Variants in EIF4G3 observed in about 807,000 individuals in gnomAD.
EIF4G3 encodes the protein eIF-4-gamma 3.
EIF4G3 carries 34 observed loss-of-function variants against 186.4 expected under a neutral mutation model. The ratio of observed to expected loss-of-function variants is 0.18; its 90% CI spans 0.14 to 0.24. The LOEUF (loss-of-function observed/expected upper bound fraction) is 0.24, where lower values mean the gene tolerates loss of function less well. Ranked by LOEUF, EIF4G3 falls within the 10% of genes least tolerant of loss-of-function variation. The pLI, the probability that EIF4G3 is intolerant of heterozygous loss-of-function variation, is 1.00. For missense variants in EIF4G3, 1,536 were observed against 1,948.5 expected, an observed-to-expected ratio of 0.79 and a Z score of 3.99; for synonymous variants, 673 against 679.5, an observed-to-expected ratio of 0.99 and a Z score of 0.15.
At chr1:21,142,499 C>T (rs1181464403) in intron 2 of EIF4G3, among the ~76,000 whole-genome samples, 1 of 151,962 alleles carries the variant, frequency 6.6e-6, no homozygotes, top group Non-Finnish European at 1.5e-5. Context: ...AGAGTGAGAC[C>T]CTAGCTCCCC....
At chr1:20,822,003 G>A (rs1358309270) in intron 33 of EIF4G3, among the ~76,000 whole-genome samples, 2 of 151,820 alleles carry the variant, frequency 1.3e-5, no homozygotes, top group Admixed American at 1.3e-4. Context: ...TCAGCCTCCT[G>A]AGTAGCTGGG....
chr1:21,108,111 A>G lies in EIF4G3; in HGVS notation c.-271-18898T>C, dbSNP rs144957431. On this transcript the variant is annotated intron_variant, in intron 2 of 36. Transcript: ENST00000602326. ...TGCAGTGTTGAGATCACACCACTGC[A>G]CTCCAGCCTGGGCACTCTAACCACT... 3.9e-5 allele frequency among the ~76,000 whole-genome samples: 6 copies of G among 152,298 alleles called. No individual in the cohort carries two copies. In the East Asian group the frequency reaches 1.2e-3, roughly 29 times the overall value.
At chr1:20,965,193 C>A (rs1569725503) in intron 12 of EIF4G3, among the ~76,000 whole-genome samples, 1 of 152,174 alleles carries the variant, frequency 6.6e-6, no homozygotes, top group Non-Finnish European at 1.5e-5. Context: ...GACAGAGAAA[C>A]CTCAAGACCA....
At chr1:21,015,756 GA>G (rs71569803) in intron 4 of EIF4G3, among the ~76,000 whole-genome samples, 19 of 132,130 alleles carry the variant, frequency 1.4e-4, no homozygotes, top group African/African-American at 5.4e-4. Context: ...TGAAAGGAAA[GA>G]AAAAAAAAAA....
intron 4 of EIF4G3, among the ~76,000 whole-genome samples, chr1:21,010,201 C>T (rs914695567): frequency 3.9e-5 from 6 of 152,178 alleles, no homozygotes; most frequent in African/African-American, 1.4e-4. Context: ...AATCCCAGCA[C>T]TTTGGAAAGT....
At chr1:21,077,261 A>G (rs544681442) in intron 3 of EIF4G3, among the ~76,000 whole-genome samples, 15 of 151,954 alleles carry the variant, frequency 9.9e-5, no homozygotes, top group Non-Finnish European at 2.2e-4. Context: ...TTGGCCTGGT[A>G]TGGAGGCAGC....
chr1:20,843,504 G>T (rs558737567), intron 29 of EIF4G3, among the ~76,000 whole-genome samples: 1 of 151,882 alleles, frequency 6.6e-6, no homozygotes, highest in African/African-American at 2.4e-5. Context: ...GCGACACGGT[G>T]AGACTCTGTC....
At chr1:20,935,767 T>C (rs2095498416) in intron 14 of EIF4G3, among the ~76,000 whole-genome samples, 1 of 152,192 alleles carries the variant, frequency 6.6e-6, no homozygotes, top group African/African-American at 2.4e-5. Flanking sequence ...AAGGTAATGA[T>C]GGATATTAGA....
chr1:20,840,934 A>G lies in EIF4G3; in HGVS notation c.3983T>C (p.Ile1328Thr). Residue 1328 changes from isoleucine to threonine, a missense_variant, in exon 30 of 37, where the codon ATC becomes ACC. Around this residue, in one of 11 missense-constraint regions of EIF4G3, gnomAD observed 395 missense variants for 498.9 expected, o/e 0.79. Transcript: ENST00000602326. Reference sequence around the variant, plus strand: ...TAATTGGCCCATGTGATCCCTGGTGATCTGGCTCCTTTCCAGGGTGGACTC... The same window carrying G: ...TAATTGGCCCATGTGATCCCTGGTGGTCTGGCTCCTTTCCAGGGTGGACTC... Reference protein sequence around the residue: ...GVESTLERSQITRDHMGQLLY... With the variant: ...GVESTLERSQTTRDHMGQLLY... 1 of 1,614,038 alleles carries G rather than the reference A, an allele frequency of 6.2e-7. No homozygotes were observed. The highest frequency in any genetic ancestry group is 2.2e-5 in the East Asian group (1 of 44,876).
intron 3 of EIF4G3, among the ~76,000 whole-genome samples, chr1:21,076,153 G>A (rs1378803514): frequency 6.6e-6 from 1 of 152,102 alleles, no homozygotes; most frequent in Middle Eastern, 3.2e-3. Context: ...TTTTCTGACC[G>A]ATATACAATG....
intron 2 of EIF4G3, among the ~76,000 whole-genome samples, chr1:21,112,970 G>A (rs986465477): frequency 1.3e-5 from 2 of 151,944 alleles, no homozygotes; most frequent in Non-Finnish European, 2.9e-5. Context: ...TAAAATAAAT[G>A]TGAGTGGTAA....
At chr1:20,912,232 A>T (rs1271297907) in intron 14 of EIF4G3, among the ~76,000 whole-genome samples, 1 of 152,228 alleles carries the variant, frequency 6.6e-6, no homozygotes, top group African/African-American at 2.4e-5. Flanking sequence ...AGCTGTGATC[A>T]CACCACTGCA....
intron 2 of EIF4G3, among the ~76,000 whole-genome samples, chr1:21,143,318 AAGG>A (rs2097373007): frequency 6.6e-6 from 1 of 151,620 alleles, no homozygotes; most frequent in Non-Finnish European, 1.5e-5. Context: ...AAGAAAGAGA[AAGG>A]AGAGCAAAGG....
chr1:21,166,145 T>G (rs2097852348), intron 2 of EIF4G3, among the ~76,000 whole-genome samples: 1 of 139,470 alleles, frequency 7.2e-6, no homozygotes, highest in African/African-American at 2.5e-5. Context: ...CATACTTCCA[T>G]GCCAGGCTCA....
chr1:20,927,956 C>T (rs896138390), intron 14 of EIF4G3, among the ~76,000 whole-genome samples: 4 of 152,076 alleles, frequency 2.6e-5, no homozygotes, highest in African/African-American at 9.7e-5. Context: ...CTCAAAGGCT[C>T]AAGCAATCCT....
Position 20,879,019 on chromosome 1 carries a change from C to T in EIF4G3, c.2622+304G>A, listed in dbSNP as rs574900801. ...TTGCTTGCTTTCCATAAGAGACACA[C>T]GGGAAAAATTTGTTGCCCATGACGA... On this transcript the variant is annotated intron_variant, in intron 20 of 36. Coordinates refer to ENST00000602326, the MANE Select transcript of EIF4G3 (RefSeq NM_001391906.1). Among the ~76,000 whole-genome samples, 24 of 152,240 alleles carry T rather than the reference C, an allele frequency of 1.6e-4. No homozygotes were observed. The South Asian group carries it at 4.4e-3, about 28-fold the overall frequency.
At chr1:21,092,763 C>T (rs1445600975) in intron 2 of EIF4G3, among the ~76,000 whole-genome samples, 1 of 152,024 alleles carries the variant, frequency 6.6e-6, no homozygotes. Context: ...TATAGACCAA[C>T]AGAACAGAAC....
At chr1:21,131,297 T>A (rs1471174759) in intron 2 of EIF4G3, among the ~76,000 whole-genome samples, 3 of 136,522 alleles carry the variant, frequency 2.2e-5, no homozygotes, top group Non-Finnish European at 3.2e-5. Context: ...TCAACAGAAA[T>A]TACTCAAACT....
At chr1:20,954,256 G>A (rs2096324021) in intron 12 of EIF4G3, among the ~76,000 whole-genome samples, 1 of 151,866 alleles carries the variant, frequency 6.6e-6, no homozygotes, top group Non-Finnish European at 1.5e-5. Context: ...GCAAAACAAA[G>A]GCCAGGCAAG....
Sources: allele counts gnomAD v4.1 joint callset (sites outside exome capture counted in the v4.1 genomes callset), GRCh38; gene constraint gnomAD v4.1.1; regional missense constraint gnomAD v4.1.1; transcripts MANE v1.5; gene names NCBI Gene and HGNC (gene_info 2026-07-23, HGNC 2026-07-21).